CABIN1: variants seen among roughly 807,000 people sequenced by gnomAD.
CABIN1 encodes the protein calcineurin-binding protein cabin-1.
CABIN1 carries 133 observed loss-of-function variants against 227.7 expected under a neutral mutation model. That is an observed-to-expected ratio of 0.58 (90% CI 0.51 to 0.67). CABIN1 has a LOEUF of 0.67. Among genes scored for constraint, CABIN1 ranks in the 30% least tolerant of loss-of-function variants. CABIN1 has a pLI of 0.00. For synonymous variants in CABIN1, 1,086 were observed against 1,155.1 expected, an observed-to-expected ratio of 0.94 and a Z score of 1.21; for missense variants, 2,408 against 2,852.5, an observed-to-expected ratio of 0.84 and a Z score of 3.55.
At chr22:24,056,074 G>C in intron 9 of CABIN1, 118 bp from the exon 10 acceptor site, 1 of 864,038 alleles carries the variant, frequency 1.2e-6, no homozygotes, top group Admixed American at 2.4e-5. Flanking sequence ...AAGATTTTTT[G>C]AATGTCAAAG....
chr22:24,149,632 G>A (rs1473346200), intron 29 of CABIN1, among the ~76,000 whole-genome samples: 1 of 152,232 alleles, frequency 6.6e-6, no homozygotes, highest in Non-Finnish European at 1.5e-5. Flanking sequence ...CTAGAATTAA[G>A]TTAGGTCAGA....
At chr22:24,026,112 T>G (rs1239544787) in intron 1 of CABIN1, among the ~76,000 whole-genome samples, 1 of 152,104 alleles carries the variant, frequency 6.6e-6, no homozygotes, top group Non-Finnish European at 1.5e-5. Flanking sequence ...GCTAGGATTA[T>G]AGACTTGATC....
At chr22:24,141,618 C>T (rs905583691) in intron 29 of CABIN1, among the ~76,000 whole-genome samples, 2 of 152,108 alleles carry the variant, frequency 1.3e-5, no homozygotes, top group African/African-American at 4.8e-5. Context: ...GACTCAGAAC[C>T]ACAGATGACT....
intron 31 of CABIN1, among the ~76,000 whole-genome samples, chr22:24,166,327 G>T (rs2046444893): frequency 6.6e-6 from 1 of 152,244 alleles, no homozygotes. Flanking sequence ...GCTGGGCAAT[G>T]CTGCCCCAGC....
intron 29 of CABIN1, among the ~76,000 whole-genome samples, chr22:24,159,015 A>G (rs1025840459): frequency 6.6e-6 from 1 of 152,180 alleles, no homozygotes; most frequent in South Asian, 2.1e-4. Context: ...GGCAGTCTGC[A>G]GGCAGGACCC....
chr22:24,041,203 C>T lies in CABIN1; in HGVS notation c.275C>T (p.Thr92Ile), dbSNP rs765398064. 2.5e-6 allele frequency: 4 copies of T among 1,614,208 alleles called. No homozygotes were observed. ...CCTGGGCTGATACTGAAATATTCCA[C>T]TTATAAGAACTTGGCCCAGCTGGCA... ...KHPGLILKYS[T>I]YKNLAQLAAQ... is the part of the protein sequence containing the mutation. The change falls in exon 5 of 37, where the codon ACT becomes ATT. Residue 92 changes from threonine (T) to isoleucine (I), a missense_variant. Physicochemically the swap from Thr to Ile is moderately conservative, Grantham distance 89. This residue lies in a region of CABIN1 where 1,045 missense variants were observed against 1,168.4 expected (regional missense o/e 0.89). Transcript: ENST00000263119.
In CABIN1 at chr22:24,071,015, T is replaced by C. The variant is rs2040047638; in HGVS notation, c.2448T>C (p.Leu816=). 2 of 1,614,228 alleles carry C rather than the reference T, an allele frequency of 1.2e-6. No individual in the cohort carries two copies. Among genetic ancestry groups the C allele is most frequent in the Non-Finnish European group, 1.7e-6 (2 of 1,180,032 alleles). Residue 816 remains leucine (L), a synonymous_variant, in exon 17 of 37, where the codon CTT becomes CTC. Coordinates refer to ENST00000263119, the MANE Select transcript of CABIN1 (RefSeq NM_012295.4). Reference sequence around the variant, plus strand: ...AGGTATCATCCTCCACCACTGGCCTTGTGCGGCTCACCAACAACCTCATCC... The same window carrying C: ...AGGTATCATCCTCCACCACTGGCCTCGTGCGGCTCACCAACAACCTCATCC... ...ILKVSSSTTG[L]VRLTNNLIQV... is the part of the protein sequence containing the mutation.
intron 34 of CABIN1, 150 bp downstream of exon 34, chr22:24,172,145 C>A: frequency 1.1e-6 from 1 of 913,090 alleles, no homozygotes; most frequent in Non-Finnish European, 1.6e-6. Flanking sequence ...GACCGCGGGT[C>A]CACTCACCAG....
chr22:24,119,272 C>A, intron 27 of CABIN1, 95 bp from the exon 28 acceptor site: 1 of 1,054,834 alleles, frequency 9.5e-7, no homozygotes, highest in Non-Finnish European at 1.5e-6. Flanking sequence ...CCGTGCTGAT[C>A]ACTTCACCAA....
At chr22:24,092,152 C>T in intron 24 of CABIN1, 1 of 434,206 alleles carries the variant, frequency 2.3e-6, no homozygotes, top group Non-Finnish European at 4.3e-6. Context: ...ATAGCATCTC[C>T]CAGGCCCAGG....
chr22:24,108,521 C>T (rs1056311374), intron 26 of CABIN1, among the ~76,000 whole-genome samples: 8 of 152,212 alleles, frequency 5.3e-5, no homozygotes, highest in Non-Finnish European at 1.2e-4. Context: ...GTCTGTGCTC[C>T]TCCACTCAGG....
chr22:24,094,833 A>G (rs2041787656), intron 24 of CABIN1, among the ~76,000 whole-genome samples: 1 of 151,634 alleles, frequency 6.6e-6, no homozygotes, highest in Admixed American at 6.6e-5. Context: ...CAAAAAAAAA[A>G]AAAAAAAAAA....
At chr22:24,089,905 C>T (rs2041427777) in intron 23 of CABIN1, among the ~76,000 whole-genome samples, 1 of 152,222 alleles carries the variant, frequency 6.6e-6, no homozygotes, top group African/African-American at 2.4e-5. Context: ...TGTTGTGGTT[C>T]CTTCTCCAAG....
At chr22:24,117,730 C>T (rs1161253915) in intron 27 of CABIN1, among the ~76,000 whole-genome samples, 1 of 152,184 alleles carries the variant, frequency 6.6e-6, no homozygotes, top group East Asian at 1.9e-4. Flanking sequence ...GCCTGCTTTC[C>T]ATAAAAATTG....
At position 24,119,559 on chromosome 22, in the gene CABIN1, C is replaced by T. The variant is rs756557911; in HGVS notation, c.4493C>T (p.Pro1498Leu). The T allele has an allele frequency of 5.6e-6, 9 of 1,613,486 alleles. No individual in the cohort carries two copies. The highest frequency in any genetic ancestry group is 1.1e-5 in the South Asian group (1 of 91,086). The stretch of plus-strand genomic sequence containing the variant: ...CCAGTGGCCTTCCCCCAGGGGCTGC[C>T]GGCTGGTGCTGAGGAGCAGCGGCAG... ...GEPVAFPQGL[P>L]AGAEEQRQFL... The change falls in exon 28 of 37, where the codon CCG (proline) becomes CTG (leucine). Residue 1498 changes from proline (P) to leucine (L), a missense_variant. Physicochemically the swap from Pro to Leu is moderately conservative, Grantham distance 98 (BLOSUM62 -3). Coordinates refer to ENST00000263119, the MANE Select transcript of CABIN1 (RefSeq NM_012295.4).
chr22:24,166,560 G>A, intron 31 of CABIN1, 79 bp from the exon 32 acceptor site: 4 of 1,575,972 alleles, frequency 2.5e-6, no homozygotes, highest in Middle Eastern at 1.7e-4. Context: ...GGCCCAGGTT[G>A]GGCTCACCAG....
chr22:24,065,701 T>C lies in CABIN1; in HGVS notation c.2038-1286T>C, dbSNP rs897120202. On this transcript the variant is annotated intron_variant, in intron 15 of 36. Transcript: ENST00000263119. ...AAGCCGAGATCACGCCATTGCACTC[T>C]AGCCTGGGCACCATTGAGCACTGAG... Among the ~76,000 whole-genome samples, 136 of 152,374 alleles carry C rather than the reference T, an allele frequency of 8.9e-4. 1 individual carries two copies. The highest frequency in any genetic ancestry group is 3.2e-3 in the African/African-American group (132 of 41,592).
In CABIN1 at chr22:24,043,014, G is replaced by A; in HGVS notation, c.456G>A (p.Arg152=). 6.2e-7 allele frequency: 1 copy of A among 1,614,046 alleles called. No individual in the cohort carries two copies. ...GCCATGCTTTTGAGGAAGGGCTGCG[G>A]TGCAATCCTGACCACTGGCCCTGTT... ...LARHAFEEGL[R]CNPDHWPCLD... is the part of the protein sequence containing the mutation. Residue 152 remains arginine, a synonymous_variant, in exon 6 of 37, where the codon CGG becomes CGA. Coordinates refer to ENST00000263119, the MANE Select transcript of CABIN1 (RefSeq NM_012295.4).
chr22:24,127,440 G>A (rs954224198), intron 28 of CABIN1, among the ~76,000 whole-genome samples: 1 of 152,216 alleles, frequency 6.6e-6, no homozygotes, highest in Non-Finnish European at 1.5e-5. Flanking sequence ...AAGTCAGTGT[G>A]GCAGCAGAGA....
Sources: gnomAD v4.1 joint callset for allele counts (sites outside exome capture counted in the v4.1 genomes callset) on GRCh38, gnomAD v4.1.1 for gene constraint, gnomAD v4.1.1 regional missense constraint, MANE v1.5 for transcripts, NCBI Gene and HGNC (gene_info 2026-07-23, HGNC 2026-07-21) for gene names.